SGCZ: variants seen among roughly 807,000 people sequenced by gnomAD.
SGCZ encodes sarcoglycan zeta, also known as zeta-sarcoglycan.
A neutral mutation model predicts 41.3 loss-of-function variants in SGCZ; 40 were observed. That is an observed-to-expected ratio of 0.97 (90% CI 0.75 to 1.26). The LOEUF (loss-of-function observed/expected upper bound fraction) is 1.26, where lower values mean the gene tolerates loss of function less well. Among genes scored for constraint, SGCZ ranks in the 50% most tolerant of loss-of-function variants. SGCZ has a pLI of 0.00. For synonymous variants in SGCZ, 206 were observed against 137.5 expected (o/e 1.50, Z -3.49); for missense variants, 552 against 369.8 (o/e 1.49, Z -4.04).
intron 1 of SGCZ, among the ~76,000 whole-genome samples, chr8:14,618,466 C>T (rs1806178730): frequency 6.6e-6 from 1 of 152,082 alleles, no homozygotes; most frequent in Non-Finnish European, 1.5e-5. Flanking sequence ...ACAATCCTGG[C>T]ATATTCCAAG....
chr8:14,992,949 C>A (rs1421698765), intron 1 of SGCZ, among the ~76,000 whole-genome samples: 6 of 150,324 alleles, frequency 4.0e-5, no homozygotes, highest in African/African-American at 4.9e-5. Context: ...TTGATATTTA[C>A]CCCCCACCCA....
At chr8:14,447,834 A>G (rs1273139262) in intron 2 of SGCZ, among the ~76,000 whole-genome samples, 1 of 152,182 alleles carries the variant, frequency 6.6e-6, no homozygotes, top group African/African-American at 2.4e-5. Flanking sequence ...AATCCTTTAC[A>G]GCCATCTCTT....
intron 5 of SGCZ, among the ~76,000 whole-genome samples, chr8:14,121,429 T>C (rs1365072612): frequency 6.6e-6 from 1 of 152,104 alleles, no homozygotes; most frequent in East Asian, 1.9e-4. Flanking sequence ...TGCACTGAAA[T>C]AGAAAATAAT....
At chr8:14,778,302 T>C (rs1675311012) in intron 1 of SGCZ, among the ~76,000 whole-genome samples, 1 of 152,148 alleles carries the variant, frequency 6.6e-6, no homozygotes, top group Non-Finnish European at 1.5e-5. Context: ...TCACCCCAAA[T>C]CTATATTTCA....
chr8:14,267,253 A>G (rs950056230), intron 3 of SGCZ, among the ~76,000 whole-genome samples: 51 of 152,070 alleles, frequency 3.4e-4, no homozygotes, highest in African/African-American at 9.9e-4. Context: ...TTAATACTGA[A>G]CAAGTATTAT....
chr8:14,636,608 G>C (rs1014296495), intron 1 of SGCZ, among the ~76,000 whole-genome samples: 2 of 151,828 alleles, frequency 1.3e-5, no homozygotes, highest in African/African-American at 4.8e-5. Flanking sequence ...AGGGCATTTT[G>C]GTTTCAGGTG....
intron 5 of SGCZ, among the ~76,000 whole-genome samples, chr8:14,124,178 TATAAC>T (rs534500338): frequency 1.8e-3 from 278 of 152,336 alleles, no homozygotes; most frequent in Non-Finnish European, 3.1e-3. Context: ...TTTTAGTAAT[TATAAC>T]AGCAGCACCA....
chr8:14,988,915 G>C (rs1018994644), intron 1 of SGCZ, among the ~76,000 whole-genome samples: 1 of 152,104 alleles, frequency 6.6e-6, no homozygotes, highest in Non-Finnish European at 1.5e-5. Context: ...TGGGGAGGGG[G>C]GGCATTGATT....
intron 4 of SGCZ, among the ~76,000 whole-genome samples, chr8:14,175,319 C>A (rs1457081315): frequency 2.6e-5 from 4 of 151,922 alleles, no homozygotes; most frequent in African/African-American, 9.7e-5. Flanking sequence ...GAAATGAAGA[C>A]AGCTCAAAAA....
At chr8:14,299,410 A>C (rs1801116339) in intron 3 of SGCZ, among the ~76,000 whole-genome samples, 1 of 152,064 alleles carries the variant, frequency 6.6e-6, no homozygotes. Flanking sequence ...CAACATATAT[A>C]TCTGAGAAAG....
chr8:14,468,830 C>G (rs1387027557), intron 2 of SGCZ, among the ~76,000 whole-genome samples: 1 of 151,996 alleles, frequency 6.6e-6, no homozygotes, highest in Non-Finnish European at 1.5e-5. Context: ...GCCCAAGTAA[C>G]CTCAGATAAA....
chr8:15,056,543 C>CAAA (rs75954139), intron 1 of SGCZ, among the ~76,000 whole-genome samples: 1 of 126,886 alleles, frequency 7.9e-6, no homozygotes, highest in Non-Finnish European at 1.7e-5. Flanking sequence ...TGTAGGTGAG[C>CAAA]AAAAAAAAAA....
chr8:14,417,757 T>C (rs1182285916), intron 2 of SGCZ, among the ~76,000 whole-genome samples: 2 of 151,246 alleles, frequency 1.3e-5, no homozygotes, highest in Non-Finnish European at 3.0e-5. Context: ...CTATGTAAGG[T>C]GATAGATATG....
intron 2 of SGCZ, among the ~76,000 whole-genome samples, chr8:14,435,863 C>A (rs1157606012): frequency 1.3e-5 from 2 of 152,160 alleles, no homozygotes; most frequent in African/African-American, 4.8e-5. Context: ...CATAAAAAGG[C>A]TTCAGTTTAT....
intron 3 of SGCZ, among the ~76,000 whole-genome samples, chr8:14,280,570 C>T (rs1319028341): frequency 6.6e-6 from 1 of 151,682 alleles, no homozygotes; most frequent in East Asian, 1.9e-4. Flanking sequence ...GTTTCTAAGC[C>T]CTTAAATCGG....
At chr8:14,626,077 A>C (rs1418890910) in intron 1 of SGCZ, among the ~76,000 whole-genome samples, 1 of 152,234 alleles carries the variant, frequency 6.6e-6, no homozygotes, top group Non-Finnish European at 1.5e-5. Flanking sequence ...ATGGGAGTCC[A>C]CAAAATGTCA....
chr8:14,530,525 G>C (rs138717478), intron 2 of SGCZ, among the ~76,000 whole-genome samples: 1,593 of 152,140 alleles, frequency 0.01, 12 homozygotes, highest in Non-Finnish European at 0.015. Flanking sequence ...TCATTTAAAT[G>C]TATCACATAC....
At chr8:14,397,164 C>T (rs1302096274) in intron 2 of SGCZ, among the ~76,000 whole-genome samples, 1 of 152,050 alleles carries the variant, frequency 6.6e-6, no homozygotes, top group Non-Finnish European at 1.5e-5. Context: ...TTCTGACTGA[C>T]TTTTCACTTC....
chr8:14,117,842 T>G (rs1280882373), intron 5 of SGCZ, among the ~76,000 whole-genome samples: 1 of 148,354 alleles, frequency 6.7e-6, no homozygotes, highest in Non-Finnish European at 1.5e-5. Flanking sequence ...GTTTTTGATT[T>G]TCTCTTCTTG....
Sources: gnomAD v4.1 joint callset for allele counts (sites outside exome capture counted in the v4.1 genomes callset) on GRCh38, gnomAD v4.1.1 for gene constraint, MANE v1.5 for transcripts, NCBI Gene and HGNC (gene_info 2026-07-23, HGNC 2026-07-21) for gene names.